The following MAP3K15 variants were observed in gnomAD, a reference collection of about 807,000 sequenced individuals.
The protein encoded by MAP3K15 is mitogen-activated protein kinase kinase kinase 15.
In MAP3K15, 124 loss-of-function variants were observed where a neutral mutation model predicts 99.5. That is an observed-to-expected ratio of 1.25 (90% CI 1.08 to 1.45). The LOEUF is 1.45. MAP3K15 is among the 40% of genes most tolerant of loss of function. The probability of loss-of-function intolerance (pLI) is 0.00; values close to 1 mark genes in which losing one functional copy is unlikely to be tolerated. For missense variants in MAP3K15, 1,242 were observed against 1,079.7 expected, an observed-to-expected ratio of 1.15 and a Z score of -2.11; for synonymous variants, 494 against 439.6, an observed-to-expected ratio of 1.12 and a Z score of -1.55.
chrX:19,397,036 A>G (rs758604838), intron 15 of MAP3K15, among the ~76,000 whole-genome samples: 1 of 109,086 alleles, frequency 9.2e-6, no homozygotes, highest in Non-Finnish European at 1.9e-5. Context: ...AGTAGCTGGG[A>G]CTACAGGTGT....
chrX:19,465,836 T>TGG (rs1384452314), intron 3 of MAP3K15, among the ~76,000 whole-genome samples: 2 of 105,673 alleles, frequency 1.9e-5, no homozygotes, highest in Non-Finnish European at 3.9e-5. Context: ...TAGGGGTGTG[T>TGG]GTGTGTGTGT....
intron 6 of MAP3K15, among the ~76,000 whole-genome samples, chrX:19,441,322 T>C (rs1390575478): frequency 9.3e-6 from 1 of 107,182 alleles, no homozygotes; most frequent in East Asian, 3.0e-4. Flanking sequence ...GGGGGAAGAA[T>C]TGAGGGAAGC....
At chrX:19,471,490 A>G (rs2064207418) in intron 3 of MAP3K15, among the ~76,000 whole-genome samples, 1 of 111,073 alleles carries the variant, frequency 9.0e-6, no homozygotes, top group Non-Finnish European at 1.9e-5. Context: ...TTGAACTCCC[A>G]ACCTCAGGTG....
intron 6 of MAP3K15, among the ~76,000 whole-genome samples, chrX:19,453,795 T>C: frequency 1.8e-5 from 2 of 112,412 alleles, no homozygotes; most frequent in Middle Eastern, 4.6e-3. Context: ...ATCATTTTTC[T>C]ACATTTGACA....
At chrX:19,451,444 ATAT>A (rs2064037847) in intron 6 of MAP3K15, among the ~76,000 whole-genome samples, 1 of 95,527 alleles carries the variant, frequency 1.0e-5, no homozygotes, top group Non-Finnish European at 2.1e-5. Flanking sequence ...GAATATATAT[ATAT>A]AAAAAAAAAA....
intron 10 of MAP3K15, among the ~76,000 whole-genome samples, chrX:19,413,774 G>C (rs2063709534): frequency 9.5e-6 from 1 of 105,612 alleles, no homozygotes; most frequent in Non-Finnish European, 1.9e-5. Context: ...GGAGGGGAGA[G>C]AGGGAGAAGA....
At chrX:19,368,196 G>A (rs1377398172) in intron 25 of MAP3K15, among the ~76,000 whole-genome samples, 1 of 111,438 alleles carries the variant, frequency 9.0e-6, no homozygotes, top group Non-Finnish European at 1.9e-5. Context: ...AGGCTAGAGT[G>A]CAATGGCACG....
At chrX:19,469,193 A>G (rs2064189734) in intron 3 of MAP3K15, among the ~76,000 whole-genome samples, 1 of 111,964 alleles carries the variant, frequency 8.9e-6, no homozygotes, top group South Asian at 3.7e-4. Flanking sequence ...TACTGGTACC[A>G]AAACAGAGAT....
intron 1 of MAP3K15, among the ~76,000 whole-genome samples, chrX:19,499,883 C>T (rs1454980130): frequency 8.9e-6 from 1 of 112,270 alleles, no homozygotes; most frequent in African/African-American, 3.2e-5. Flanking sequence ...CAGGTTTAGT[C>T]ATTTTTTAAA....
intron 11 of MAP3K15, 46 bp from the exon 12 acceptor site, chrX:19,410,019 G>A (rs1487547091): frequency 1.3e-5 from 14 of 1,097,994 alleles, no homozygotes; most frequent in Non-Finnish European, 1.6e-5. Context: ...GTTTTTTAAA[G>A]CAAATGATTT....
At chrX:19,509,363 C>G (rs2064502575) in intron 1 of MAP3K15, among the ~76,000 whole-genome samples, 3 of 111,812 alleles carry the variant, frequency 2.7e-5, no homozygotes, top group Admixed American at 1.9e-4. Context: ...CACTCCTCAG[C>G]AAATGCAAAA....
intron 7 of MAP3K15, among the ~76,000 whole-genome samples, chrX:19,427,357 A>C (rs2063840924): frequency 9.0e-6 from 1 of 111,085 alleles, no homozygotes; most frequent in East Asian, 2.8e-4. Flanking sequence ...AGTATTTTTT[A>C]TTACATCGAA....
rs2063705496 is a variant in MAP3K15 at position 19,413,440 on chromosome X, C to G, written c.1615G>C (p.Val539Leu). 8.3e-7 allele frequency: 1 copy of G among 1,204,164 alleles called. No homozygotes were observed. Among genetic ancestry groups the G allele is most frequent in the African/African-American group, 1.8e-5 (1 of 56,714 alleles). The change falls in exon 11 of 29, where the codon GTG becomes CTG. Residue 539 changes from valine to leucine, a missense_variant. Val to Leu is a conservative substitution (Grantham distance 32). Coordinates refer to ENST00000338883, the MANE Select transcript of MAP3K15 (RefSeq NM_001001671.4). The stretch of plus-strand genomic sequence containing the variant: ...ATGGAAACATAAGAAGGCTGGTACA[C>G]TTTGGTTGGCTCTATGACCAGAACC... Reference protein sequence around the residue: ...FPVLVIEPTKVYQPSYVSINN... With the variant: ...FPVLVIEPTKLYQPSYVSINN...
At chrX:19,460,761 GTTTT>G (rs372618461) in intron 4 of MAP3K15, among the ~76,000 whole-genome samples, 7 of 98,097 alleles carry the variant, frequency 7.1e-5, no homozygotes, top group African/African-American at 1.2e-4. Flanking sequence ...TTGTTTTTTT[GTTTT>G]TTTTTTTTTA....
chrX:19,469,364 T>C (rs1305805087), intron 3 of MAP3K15, among the ~76,000 whole-genome samples: 1 of 112,051 alleles, frequency 8.9e-6, no homozygotes, highest in Non-Finnish European at 1.9e-5. Context: ...AAGCTGAAAC[T>C]GGATCCCTTC....
intron 13 of MAP3K15, among the ~76,000 whole-genome samples, chrX:19,401,254 A>T (rs149436367): frequency 1.1e-3 from 117 of 108,819 alleles, no homozygotes; most frequent in African/African-American, 3.7e-3. Context: ...GAGTGCAGTG[A>T]TGTGATCACA....
chrX:19,392,360 C>T lies in MAP3K15; in HGVS notation c.2308G>A (p.Val770Met). Residue 770 changes from valine (V) to methionine (M), a missense_variant, in exon 17 of 29, where the codon GTG becomes ATG. Coordinates refer to ENST00000338883, the MANE Select transcript of MAP3K15 (RefSeq NM_001001671.4). ...GCAAGTACCTTTATGTCTCTGTGCACGATCTGGTTTTCATGAAGATACTTA... is the reference window on the plus strand; with the variant it reads ...GCAAGTACCTTTATGTCTCTGTGCATGATCTGGTTTTCATGAAGATACTTA... ...GLKYLHENQI[V>M]HRDIKGDNVL... 7.4e-6 allele frequency: 9 copies of T among 1,208,224 alleles called. No homozygotes were observed. Among genetic ancestry groups the T allele is most frequent in the Admixed American group, 2.2e-5 (1 of 45,342 alleles).
chrX:19,420,326 C>G (rs796290096), intron 9 of MAP3K15, among the ~76,000 whole-genome samples: 2 of 109,685 alleles, frequency 1.8e-5, no homozygotes, highest in African/African-American at 6.7e-5. Flanking sequence ...AAGAATCAAA[C>G]AGATGCAATA....
At chrX:19,489,276 G>A (rs766649401) in intron 1 of MAP3K15, among the ~76,000 whole-genome samples, 1 of 110,894 alleles carries the variant, frequency 9.0e-6, no homozygotes, top group African/African-American at 3.3e-5. Context: ...GCTTATATAT[G>A]AGGCATAAAG....
Sources: allele counts gnomAD v4.1 joint callset (sites outside exome capture counted in the v4.1 genomes callset), GRCh38; gene constraint gnomAD v4.1.1; transcripts MANE v1.5; gene names NCBI Gene and HGNC (gene_info 2026-07-23, HGNC 2026-07-21).